SHANK2: variants seen among roughly 807,000 people sequenced by gnomAD.
SHANK2 encodes SH3 and multiple ankyrin repeat domains 2.
A neutral mutation model predicts 133.7 loss-of-function variants in SHANK2; 43 were observed. The observed-to-expected ratio is 0.32, with a 90% CI of 0.25 to 0.41. The LOEUF (loss-of-function observed/expected upper bound fraction) is 0.41, where lower values mean the gene tolerates loss of function less well. Among genes scored for constraint, SHANK2 ranks in the 10% least tolerant of loss-of-function variants. The pLI, the probability that SHANK2 is intolerant of heterozygous loss-of-function variation, is 1.00. For synonymous variants in SHANK2, 1,017 were observed against 952.8 expected, an observed-to-expected ratio of 1.07 and a Z score of -1.24; for missense variants, 1,994 against 2,235.8, an observed-to-expected ratio of 0.89 and a Z score of 2.18.
intron 10 of SHANK2, among the ~76,000 whole-genome samples, chr11:70,917,189 A>T (rs1950283261): frequency 6.6e-6 from 1 of 152,226 alleles, no homozygotes; most frequent in Non-Finnish European, 1.5e-5. Flanking sequence ...ACTCCCTTGA[A>T]AAGTGGGCAA....
chr11:70,873,709 C>T (rs1353466457), intron 11 of SHANK2, among the ~76,000 whole-genome samples: 1 of 152,126 alleles, frequency 6.6e-6, no homozygotes, highest in East Asian at 1.9e-4. Context: ...GCGTCCCCTG[C>T]TCACAGCCAG....
chr11:70,608,829 C>T (rs531623885), intron 17 of SHANK2, among the ~76,000 whole-genome samples: 2 of 152,352 alleles, frequency 1.3e-5, no homozygotes, highest in East Asian at 3.9e-4. Flanking sequence ...CGGTCTATTA[C>T]GCAAAACCTC....
intron 14 of SHANK2, among the ~76,000 whole-genome samples, chr11:70,765,310 A>G (rs1217064685): frequency 6.6e-6 from 1 of 152,236 alleles, no homozygotes; most frequent in African/African-American, 2.4e-5. Context: ...CAGTGATTCA[A>G]ATCAGTCCAG....
intron 17 of SHANK2, among the ~76,000 whole-genome samples, chr11:70,503,307 G>C (rs1471599660): frequency 6.6e-6 from 1 of 152,202 alleles, no homozygotes; most frequent in Admixed American, 6.5e-5. Flanking sequence ...TGCATGTGAA[G>C]AGCCTGACAG....
At position 70,788,452 on chromosome 11, in the gene SHANK2, C is replaced by T. The variant is rs141878660; in HGVS notation, c.1777+9991G>A. On this transcript the variant is annotated intron_variant, in intron 14 of 25. Transcript: ENST00000601538. Reference sequence around the variant, plus strand: ...AGTAGCGTGATGTCGAGTGCCGTTCCGCCCGGGGGAAGTGACTCATCCCTT... The same window carrying T: ...AGTAGCGTGATGTCGAGTGCCGTTCTGCCCGGGGGAAGTGACTCATCCCTT... 6.0e-3 allele frequency among the ~76,000 whole-genome samples: 913 copies of T among 152,248 alleles called. 5 individuals are homozygous for T. Among genetic ancestry groups the T allele is most frequent in the African/African-American group, 0.021 (873 of 41,532 alleles).
At chr11:70,498,069 C>T (rs1237749516) in intron 21 of SHANK2, among the ~76,000 whole-genome samples, 1 of 152,252 alleles carries the variant, frequency 6.6e-6, no homozygotes, top group Non-Finnish European at 1.5e-5. Flanking sequence ...TTCAGCTTTC[C>T]TGGGACCTGA....
intron 17 of SHANK2, among the ~76,000 whole-genome samples, chr11:70,613,886 T>C (rs781940981): frequency 2.1e-4 from 31 of 150,484 alleles, no homozygotes; most frequent in South Asian, 4.3e-4. Context: ...TGCCTCAGCC[T>C]CCCAAGTAGC....
rs532140978 is a variant in SHANK2, at chr11:70,508,499, C to T, written c.2062-5568G>A. Among the ~76,000 whole-genome samples, 3 of 152,298 alleles carry T rather than the reference C, an allele frequency of 2.0e-5. No homozygotes were observed. In the South Asian group the frequency reaches 6.2e-4, roughly 32 times the overall value. On this transcript the variant is annotated intron_variant, in intron 17 of 25. Transcript: ENST00000601538. ...CAAATTTATATGCTGGAGTCCTAAT[C>T]CCTAGTATCTCAAAATATGACCTTA... is the stretch of plus-strand genomic sequence containing the variant.
intron 14 of SHANK2, among the ~76,000 whole-genome samples, chr11:70,788,761 T>A (rs1385951576): frequency 2.6e-5 from 4 of 152,052 alleles, no homozygotes; most frequent in African/African-American, 9.7e-5. Context: ...AAACTCCAAG[T>A]GTGTCCTGAA....
chr11:70,675,953 T>A (rs1944898569), intron 15 of SHANK2, among the ~76,000 whole-genome samples: 1 of 152,254 alleles, frequency 6.6e-6, no homozygotes, highest in Admixed American at 6.5e-5. Context: ...ACTGGCAATG[T>A]GTCAGAAGAC....
At chr11:71,066,723 C>T (rs1016556162) in intron 9 of SHANK2, among the ~76,000 whole-genome samples, 3 of 152,100 alleles carry the variant, frequency 2.0e-5, no homozygotes, top group Non-Finnish European at 2.9e-5. Flanking sequence ...TTTGGGCAGC[C>T]ATAAATGTAA....
chr11:71,169,681 G>A (rs1462667840), intron 2 of SHANK2, among the ~76,000 whole-genome samples: 1 of 149,994 alleles, frequency 6.7e-6, no homozygotes, highest in Non-Finnish European at 1.5e-5. Flanking sequence ...AACCCAGGGT[G>A]CAGAGGTTGC....
intron 17 of SHANK2, among the ~76,000 whole-genome samples, chr11:70,600,572 A>C (rs1304585627): frequency 6.6e-6 from 1 of 152,190 alleles, no homozygotes; most frequent in African/African-American, 2.4e-5. Flanking sequence ...AGAAATATTC[A>C]GAGGTAATGA....
intron 10 of SHANK2, among the ~76,000 whole-genome samples, chr11:70,938,005 T>A (rs1950594329): frequency 6.6e-6 from 1 of 152,192 alleles, no homozygotes. Flanking sequence ...CAGTTCTATA[T>A]CACCTTCTCA....
intron 17 of SHANK2, among the ~76,000 whole-genome samples, chr11:70,517,359 C>T (rs1307758703): frequency 3.3e-5 from 5 of 152,210 alleles, no homozygotes; most frequent in Non-Finnish European, 5.9e-5. Flanking sequence ...AATTGTGCTC[C>T]TTTGTATTTA....
chr11:70,859,439 TG>T (rs1475248895), intron 11 of SHANK2, among the ~76,000 whole-genome samples: 25 of 151,712 alleles, frequency 1.6e-4, no homozygotes, highest in African/African-American at 5.6e-4. Context: ...GATAAGCGTG[TG>T]GGTGGATGGA....
intron 10 of SHANK2, among the ~76,000 whole-genome samples, chr11:70,947,692 G>C (rs973200972): frequency 6.6e-6 from 1 of 152,138 alleles, no homozygotes; most frequent in African/African-American, 2.4e-5. Context: ...AAAAATTATA[G>C]TTACATATAA....
intron 2 of SHANK2, among the ~76,000 whole-genome samples, chr11:71,213,692 G>A (rs1280275795): frequency 6.6e-6 from 1 of 152,162 alleles, no homozygotes; most frequent in Non-Finnish European, 1.5e-5. Context: ...CTGAGCACCG[G>A]GCTGATCTTC....
chr11:70,896,893 A>T lies in SHANK2; in HGVS notation c.1108-326T>A, dbSNP rs548976601. On this transcript the variant is annotated intron_variant, in intron 10 of 25. Transcript: ENST00000601538. ...CCTGAGTCTGGAAATCTCCCCATTG[A>T]CTATGTCCTGTGTACCCACGGGGCT... Among the ~76,000 whole-genome samples, 6 of 152,248 alleles carry T rather than the reference A, an allele frequency of 3.9e-5. No individual in the cohort carries two copies. In the South Asian group the frequency reaches 1.2e-3, roughly 32 times the overall value.
Sources: allele counts gnomAD v4.1 joint callset (sites outside exome capture counted in the v4.1 genomes callset), GRCh38; gene constraint gnomAD v4.1.1; transcripts MANE v1.5; gene names NCBI Gene and HGNC (gene_info 2026-07-23, HGNC 2026-07-21).